The following SLC24A3 variants were observed in gnomAD, a reference collection of about 807,000 sequenced individuals.
The protein encoded by SLC24A3 is solute carrier family 24 member 3, also known as sodium/potassium/calcium exchanger 3.
SLC24A3 carries 28 observed loss-of-function variants against 75.8 expected under a neutral mutation model. That is an observed-to-expected ratio of 0.37 (90% CI 0.27 to 0.51). The LOEUF is 0.51. SLC24A3 is among the 20% of genes least tolerant of loss of function. SLC24A3 has a pLI of 0.94. For missense variants in SLC24A3, 663 were observed against 847.8 expected (o/e 0.78, Z 2.71); for synonymous variants, 372 against 334.1 (o/e 1.11, Z -1.24).
intron 1 of SLC24A3, among the ~76,000 whole-genome samples, chr20:19,231,862 A>G (rs553614309): frequency 1.3e-3 from 200 of 152,372 alleles, no homozygotes; most frequent in African/African-American, 4.7e-3. Flanking sequence ...GGAAATTTAC[A>G]TTAACATGTA....
At chr20:19,540,214 C>A (rs980994543) in intron 3 of SLC24A3, among the ~76,000 whole-genome samples, 1 of 152,150 alleles carries the variant, frequency 6.6e-6, no homozygotes, top group Non-Finnish European at 1.5e-5. Flanking sequence ...CCAGCATGAC[C>A]CATCCCAAGC....
chr20:19,450,692 C>T (rs550048342), intron 2 of SLC24A3, among the ~76,000 whole-genome samples: 3 of 152,126 alleles, frequency 2.0e-5, no homozygotes, highest in African/African-American at 2.4e-5. Flanking sequence ...TAGATGATAC[C>T]TTGATTCAAA....
At position 19,279,632 on chromosome 20, in the gene SLC24A3, A is replaced by C. The variant is rs148439964; in HGVS notation, c.143-1327A>C. Among the ~76,000 whole-genome samples the C allele has an allele frequency of 3.0e-4, 45 of 151,488 alleles. 1 individual carries two copies. In the East Asian group the frequency reaches 8.2e-3, roughly 28 times the overall value. On this transcript the variant is annotated intron_variant, in intron 1 of 16. Transcript: ENST00000328041. ...TCTCTGAAGGATATTGTGTTCTTCC[A>C]TTCCTTCTCCCTGGTGCCCCCTCTT...
intron 1 of SLC24A3, among the ~76,000 whole-genome samples, chr20:19,228,980 A>T (rs1981943285): frequency 1.3e-5 from 2 of 152,216 alleles, no homozygotes; most frequent in South Asian, 4.1e-4. Context: ...CATGGAAATT[A>T]TTTGTATATT....
intron 1 of SLC24A3, among the ~76,000 whole-genome samples, chr20:19,226,849 C>G (rs142751747): frequency 6.6e-6 from 1 of 152,188 alleles, no homozygotes; most frequent in Admixed American, 6.5e-5. Context: ...ACTATTACAT[C>G]GTATCCTTTG....
At chr20:19,303,276 C>G (rs553188645) in intron 2 of SLC24A3, among the ~76,000 whole-genome samples, 1 of 152,118 alleles carries the variant, frequency 6.6e-6, no homozygotes, top group Non-Finnish European at 1.5e-5. Context: ...TTTTCTGTCC[C>G]TGTGTTAGTT....
chr20:19,515,710 G>T, intron 3 of SLC24A3, 146 bp downstream of exon 3: 1 of 723,630 alleles, frequency 1.4e-6, no homozygotes, highest in Non-Finnish European at 2.4e-6. Context: ...CTCTGTAGGG[G>T]GCCATCACCA....
At chr20:19,607,354 C>T (rs1773197846) in intron 6 of SLC24A3, among the ~76,000 whole-genome samples, 1 of 152,138 alleles carries the variant, frequency 6.6e-6, no homozygotes, top group Admixed American at 6.5e-5. Context: ...CTCATCTGAT[C>T]TCATGACATC....
Position 19,411,564 on chromosome 20 carries a change from C to G in SLC24A3, c.272-103924C>G, listed in dbSNP as rs567326225. On this transcript the variant is annotated intron_variant, in intron 2 of 16. Transcript: ENST00000328041. The stretch of plus-strand genomic sequence containing the variant: ...TTGAATTTCCCAGGCAACTGAAAAC[C>G]CTGGCTGTTGGAACAATCTTGCTGT... Among the ~76,000 whole-genome samples the G allele has an allele frequency of 1.3e-3, 198 of 152,250 alleles. 1 individual carries two copies. The highest frequency in any genetic ancestry group is 4.5e-3 in the African/African-American group (186 of 41,534).
intron 2 of SLC24A3, among the ~76,000 whole-genome samples, chr20:19,468,905 A>G (rs1987815283): frequency 6.6e-6 from 1 of 152,172 alleles, no homozygotes; most frequent in South Asian, 2.1e-4. Context: ...CCAGTGCAGT[A>G]AAAGTAGGAA....
chr20:19,601,721 G>A (rs75493433), intron 6 of SLC24A3, among the ~76,000 whole-genome samples: 3,672 of 152,288 alleles, frequency 0.024, 72 homozygotes, highest in Middle Eastern at 0.048. Flanking sequence ...AGTCCTACAA[G>A]TCTCATCTCT....
At chr20:19,608,983 A>G (rs1439384704) in intron 6 of SLC24A3, among the ~76,000 whole-genome samples, 2 of 152,250 alleles carry the variant, frequency 1.3e-5, no homozygotes, top group East Asian at 3.8e-4. Flanking sequence ...TTCATGAGGC[A>G]GACGTGTTGA....
At chr20:19,638,342 G>T (rs1415596487) in intron 6 of SLC24A3, among the ~76,000 whole-genome samples, 3 of 152,202 alleles carry the variant, frequency 2.0e-5, no homozygotes, top group Non-Finnish European at 4.4e-5. Flanking sequence ...ATAAATAAAA[G>T]TGTATACCGC....
chr20:19,524,228 G>C (rs547945666), intron 3 of SLC24A3, among the ~76,000 whole-genome samples: 2 of 152,030 alleles, frequency 1.3e-5, no homozygotes, highest in Non-Finnish European at 2.9e-5. Flanking sequence ...TAAATGACAC[G>C]CACTGAAAAC....
chr20:19,343,367 A>G lies in SLC24A3; in HGVS notation c.271+62280A>G, dbSNP rs114240778. Among the ~76,000 whole-genome samples, 928 of 152,312 alleles carry G rather than the reference A, an allele frequency of 6.1e-3. 9 individuals carry two copies. Among genetic ancestry groups the G allele is most frequent in the African/African-American group, 0.021 (872 of 41,570 alleles). On this transcript the variant is annotated intron_variant, in intron 2 of 16. Transcript: ENST00000328041. ...TACATCACCTACTCTATGTGTTTTC[A>G]TGTGTAATATGTGGATAATAAAAGG...
At chr20:19,475,953 C>T (rs1987955366) in intron 2 of SLC24A3, among the ~76,000 whole-genome samples, 1 of 152,234 alleles carries the variant, frequency 6.6e-6, no homozygotes, top group South Asian at 2.1e-4. Context: ...GACATTAGGA[C>T]TTGAGCCTAA....
In SLC24A3 at chr20:19,711,660, G is replaced by A. The variant is rs78883132; in HGVS notation, c.1720-5868G>A. Among the ~76,000 whole-genome samples, 27 of 150,002 alleles carry A rather than the reference G, an allele frequency of 1.8e-4. No homozygotes were observed. The Middle Eastern group carries it at 0.01, about 58-fold the overall frequency. On this transcript the variant is annotated intron_variant, in intron 15 of 16. Transcript: ENST00000328041. ...GATGCTTTTTTCTTTTTTTTTTTTC[G>A]ACAAGAGTTTCACTCTGTCGCCAGG...
At chr20:19,498,870 A>G (rs1423838983) in intron 2 of SLC24A3, among the ~76,000 whole-genome samples, 1 of 152,210 alleles carries the variant, frequency 6.6e-6, no homozygotes, top group Non-Finnish European at 1.5e-5. Flanking sequence ...ATGCCAGATC[A>G]TAAAAGGCTG....
At chr20:19,497,968 C>G (rs1988321182) in intron 2 of SLC24A3, among the ~76,000 whole-genome samples, 1 of 152,144 alleles carries the variant, frequency 6.6e-6, no homozygotes, top group Middle Eastern at 3.2e-3. Context: ...AGTAAAGCTT[C>G]ATCCGTATTT....
Sources: allele counts gnomAD v4.1 joint callset (sites outside exome capture counted in the v4.1 genomes callset), GRCh38; gene constraint gnomAD v4.1.1; transcripts MANE v1.5; gene names NCBI Gene and HGNC (gene_info 2026-07-23, HGNC 2026-07-21).